GRM7: variants seen among roughly 807,000 people sequenced by gnomAD.
GRM7 encodes metabotropic glutamate receptor 7.
GRM7 carries 35 observed loss-of-function variants against 84.5 expected under a neutral mutation model. The observed-to-expected ratio is 0.41, with a 90% CI of 0.32 to 0.55. The LOEUF (loss-of-function observed/expected upper bound fraction) is 0.55, where lower values mean the gene tolerates loss of function less well. GRM7 is among the 20% of genes least tolerant of loss of function. The pLI is 0.19. For missense variants in GRM7, 1,003 were observed against 1,194.6 expected, an observed-to-expected ratio of 0.84 and a Z score of 2.36; for synonymous variants, 487 against 455.1, an observed-to-expected ratio of 1.07 and a Z score of -0.89.
At chr3:7,674,261 G>A (rs546822816) in intron 8 of GRM7, among the ~76,000 whole-genome samples, 1 of 150,736 alleles carries the variant, frequency 6.6e-6, no homozygotes, top group Admixed American at 6.6e-5. Flanking sequence ...ACGCGATCTT[G>A]GCTCACTGCA....
At chr3:7,042,128 G>A (rs1574826865) in intron 1 of GRM7, among the ~76,000 whole-genome samples, 5 of 152,062 alleles carry the variant, frequency 3.3e-5, no homozygotes, top group South Asian at 2.1e-4. Context: ...AAATGAACCC[G>A]TTTCCCTGAC....
At chr3:7,013,071 A>C (rs1695435750) in intron 1 of GRM7, among the ~76,000 whole-genome samples, 1 of 151,352 alleles carries the variant, frequency 6.6e-6, no homozygotes, top group Non-Finnish European at 1.5e-5. Flanking sequence ...TTACCATTAG[A>C]CCACACCTCT....
intron 8 of GRM7, among the ~76,000 whole-genome samples, chr3:7,679,133 C>T (rs567010245): frequency 4.6e-5 from 7 of 152,000 alleles, no homozygotes; most frequent in East Asian, 1.9e-4. Flanking sequence ...GCTGTGAGTG[C>T]GGGCAGCCTG....
At chr3:7,043,540 C>T (rs1325279399) in intron 1 of GRM7, among the ~76,000 whole-genome samples, 1 of 152,152 alleles carries the variant, frequency 6.6e-6, no homozygotes, top group Non-Finnish European at 1.5e-5. Context: ...GGATATTTTT[C>T]CAGCTTTTAA....
intron 1 of GRM7, among the ~76,000 whole-genome samples, chr3:7,125,324 G>T (rs1693364714): frequency 6.6e-6 from 1 of 152,164 alleles, no homozygotes; most frequent in African/African-American, 2.4e-5. Flanking sequence ...CCTAAGAGAT[G>T]GAGGCCAGTT....
intron 6 of GRM7, 141 bp downstream of exon 6, chr3:7,452,948 G>T (rs1697837220): frequency 4.9e-6 from 3 of 607,662 alleles, no homozygotes; most frequent in Non-Finnish European, 5.9e-6. Context: ...TTGAATCAAT[G>T]CATGAATGAG....
chr3:7,696,594 C>T (rs113375675), intron 9 of GRM7, among the ~76,000 whole-genome samples: 7,875 of 152,234 alleles, frequency 0.052, 246 homozygotes, highest in South Asian at 0.084. Context: ...CAGAACACTT[C>T]CAAGCACTTT....
chr3:7,368,540 A>G (rs1694004690), intron 4 of GRM7, among the ~76,000 whole-genome samples: 1 of 152,136 alleles, frequency 6.6e-6, no homozygotes, highest in South Asian at 2.1e-4. Context: ...TTGCTTTAGC[A>G]TTCACTGTTG....
intron 6 of GRM7, among the ~76,000 whole-genome samples, chr3:7,455,269 C>T (rs1697957004): frequency 6.6e-6 from 1 of 152,000 alleles, no homozygotes; most frequent in African/African-American, 2.4e-5. Context: ...TTTGTAAAGA[C>T]CTAAGTAGTA....
chr3:7,100,550 A>G (rs1008443127), intron 1 of GRM7, among the ~76,000 whole-genome samples: 6 of 151,858 alleles, frequency 4.0e-5, no homozygotes, highest in African/African-American at 1.4e-4. Context: ...TGTACTGTGG[A>G]ATACCACAAA....
chr3:7,094,649 A>T (rs1254019603), intron 1 of GRM7, among the ~76,000 whole-genome samples: 1 of 152,230 alleles, frequency 6.6e-6, no homozygotes, highest in Non-Finnish European at 1.5e-5. Flanking sequence ...AGGCAATAGA[A>T]CTATGATGAC....
intron 4 of GRM7, among the ~76,000 whole-genome samples, chr3:7,317,210 G>A (rs913058885): frequency 2.0e-4 from 30 of 152,170 alleles, no homozygotes; most frequent in African/African-American, 6.7e-4. Context: ...ATACAAAAAC[G>A]AACGTGGTGA....
chr3:7,660,807 G>A (rs1365470498), intron 8 of GRM7, among the ~76,000 whole-genome samples: 1 of 151,822 alleles, frequency 6.6e-6, no homozygotes, highest in Admixed American at 6.6e-5. Flanking sequence ...GTAGAGTCCA[G>A]AACTAAACCC....
intron 4 of GRM7, among the ~76,000 whole-genome samples, chr3:7,341,380 T>TTTG (rs1267704775): frequency 6.6e-6 from 1 of 152,032 alleles, no homozygotes; most frequent in African/African-American, 2.4e-5. Flanking sequence ...CATGTTTTTT[T>TTTG]TTTGTTTATT....
chr3:7,670,060 G>A (rs1261928003), intron 8 of GRM7, among the ~76,000 whole-genome samples: 1 of 146,970 alleles, frequency 6.8e-6, no homozygotes, highest in Non-Finnish European at 1.5e-5. Context: ...GAAGTGATTT[G>A]CCCATCATCC....
chr3:7,307,630 C>T (rs1700240604), intron 4 of GRM7, among the ~76,000 whole-genome samples: 1 of 152,172 alleles, frequency 6.6e-6, no homozygotes, highest in Admixed American at 6.5e-5. Flanking sequence ...ATAAAAATCT[C>T]ATGAGTCACC....
rs545833497 is a variant in GRM7, at chr3:7,451,281, A to C, written c.1175-1326A>C. Among the ~76,000 whole-genome samples, 18 of 152,308 alleles carry C rather than the reference A, an allele frequency of 1.2e-4. No individual in the cohort carries two copies. In the South Asian group the frequency reaches 1.9e-3, roughly 16 times the overall value. On this transcript the variant is annotated intron_variant, in intron 5 of 9. Coordinates refer to ENST00000357716, the MANE Select transcript of GRM7 (RefSeq NM_000844.4). ...AGGCTATGTTCAATGGTGGGGATCCAAAGGTAAAAACAAGAAAAATGTCTT... is the reference window on the plus strand; with the variant it reads ...AGGCTATGTTCAATGGTGGGGATCCCAAGGTAAAAACAAGAAAAATGTCTT...
chr3:7,715,031 G>T lies in GRM7; in HGVS notation c.2699-25326G>T, dbSNP rs1455516934. Among the ~76,000 whole-genome samples the T allele has an allele frequency of 2.6e-5, 4 of 152,320 alleles. No individual in the cohort carries two copies. In the East Asian group the frequency reaches 7.7e-4, roughly 29 times the overall value. On this transcript the variant is annotated intron_variant, in intron 9 of 9. Transcript: ENST00000357716. ...CATTCAAGGCTCTTGCAGGAACATA[G>T]ACATGCCTTCGATTTGGGAGATAAA...
At chr3:7,118,468 G>A (rs1693114333) in intron 1 of GRM7, among the ~76,000 whole-genome samples, 1 of 149,732 alleles carries the variant, frequency 6.7e-6, no homozygotes, top group African/African-American at 2.5e-5. Flanking sequence ...TTTAGAGAAA[G>A]AATAAAATTT....
Sources: allele counts gnomAD v4.1 joint callset (sites outside exome capture counted in the v4.1 genomes callset), GRCh38; gene constraint gnomAD v4.1.1; transcripts MANE v1.5; gene names NCBI Gene and HGNC (gene_info 2026-07-23, HGNC 2026-07-21).